Variants in DCAF17 observed in about 807,000 individuals in gnomAD.
The protein encoded by DCAF17 is DDB1 and CUL4 associated factor 17.
A neutral mutation model predicts 66.0 loss-of-function variants in DCAF17; 48 were observed. The observed-to-expected ratio is 0.73, with a 90% confidence interval of 0.58 to 0.92. The LOEUF (loss-of-function observed/expected upper bound fraction) is 0.92, where lower values mean the gene tolerates loss of function less well. Among genes scored for constraint, DCAF17 ranks in the 40% least tolerant of loss-of-function variants. The pLI is 0.00. For synonymous variants in DCAF17, 206 were observed against 214.6 expected (o/e 0.96, Z 0.35); for missense variants, 562 against 622.8 (o/e 0.90, Z 1.04).
At chr2:171,457,210 C>G (rs1176585514) in intron 6 of DCAF17, among the ~76,000 whole-genome samples, 1 of 152,248 alleles carries the variant, frequency 6.6e-6, no homozygotes, top group Non-Finnish European at 1.5e-5. Flanking sequence ...ATTGTTCTCT[C>G]TGTGCCTGTA....
chr2:171,434,935 T>C, intron 1 of DCAF17, 148 bp from the exon 2 acceptor site: 2 of 1,013,482 alleles, frequency 2.0e-6, no homozygotes, highest in Non-Finnish European at 2.9e-6. Flanking sequence ...GTTGGTCACC[T>C]CATTAAGCCA....
chr2:171,475,969 A>G lies in DCAF17; in HGVS notation c.1092-891A>G, dbSNP rs1365299197. Among the ~76,000 whole-genome samples the G allele has an allele frequency of 2.6e-5, 4 of 152,232 alleles. No homozygotes were observed. In the East Asian group the frequency reaches 7.7e-4, roughly 29 times the overall value. On this transcript the variant is annotated intron_variant, in intron 10 of 13. Transcript: ENST00000375255. The stretch of plus-strand genomic sequence containing the variant: ...TACCACCCATATTAGTTTGAACTTA[A>G]GAAAACAAGGCCCACGAAGAGTGTA...
chr2:171,474,966 A>G (rs1379575836), intron 10 of DCAF17, among the ~76,000 whole-genome samples: 1 of 152,216 alleles, frequency 6.6e-6, no homozygotes, highest in Non-Finnish European at 1.5e-5. Context: ...CATGATTTTT[A>G]AGAACATGAA....
Position 171,482,682 on chromosome 2 carries a change from G to A in DCAF17, c.*1568G>A, listed in dbSNP as rs755028977. 118 of 452,810 alleles carry A rather than the reference G, an allele frequency of 2.6e-4. 1 individual carries two copies. The highest frequency in any genetic ancestry group is 1.7e-3 in the South Asian group (107 of 64,376). 28.0% of individuals were successfully genotyped at this position (452,810 alleles called of 1,614,324 possible). On this transcript the variant is annotated 3_prime_UTR_variant, in exon 14 of 14. Coordinates refer to ENST00000375255, the MANE Select transcript of DCAF17 (RefSeq NM_025000.4). ...TCATGTCAGAGATTTTTTTTTTTAGGTGATTATTGAGTTTCTCCTTCTCCT... is the reference window on the plus strand; with the variant it reads ...TCATGTCAGAGATTTTTTTTTTTAGATGATTATTGAGTTTCTCCTTCTCCT...
rs1363070112 is a variant in DCAF17, at chr2:171,484,706, A to G, written c.*3592A>G. The stretch of plus-strand genomic sequence containing the variant: ...CCTTTCCAAAATTTAGACCATTGCA[A>G]TCATCTTCAGAAAGTTTCCTAAATC... On this transcript the variant is annotated 3_prime_UTR_variant, in exon 14 of 14. Coordinates refer to ENST00000375255, the MANE Select transcript of DCAF17 (RefSeq NM_025000.4). 1 of 454,038 alleles carries G rather than the reference A, an allele frequency of 2.2e-6. No individual in the cohort carries two copies. The highest frequency in any genetic ancestry group is 1.6e-5 in the South Asian group (1 of 64,464). 28.1% of individuals were successfully genotyped at this position (454,038 alleles called of 1,614,324 possible).
intron 4 of DCAF17, among the ~76,000 whole-genome samples, chr2:171,449,206 C>G (rs969677175): frequency 1.3e-5 from 2 of 152,144 alleles, no homozygotes; most frequent in African/African-American, 4.8e-5. Context: ...TGAGGTTTCC[C>G]TATGTTGGCC....
Position 171,449,905 on chromosome 2 carries a change from A to G in DCAF17, c.485A>G (p.Glu162Gly). The change falls in exon 5 of 14, where the codon GAA becomes GGA. Residue 162 changes from glutamate to glycine, a missense_variant. By Grantham distance (98) the Glu-to-Gly change is moderately conservative. Coordinates refer to ENST00000375255, the MANE Select transcript of DCAF17 (RefSeq NM_025000.4). ...FRYLSWDTPQ[E>G]VIAVKSAQNR... ...TACTTGAGCTGGGACACTCCTCAAG[A>G]AGTCATTGCAGTTAAGTCAGCTCAG... 1 of 1,613,842 alleles carries G rather than the reference A, an allele frequency of 6.2e-7. No individual in the cohort carries two copies. Among genetic ancestry groups the G allele is most frequent in the Non-Finnish European group, 8.5e-7 (1 of 1,179,800 alleles).
intron 5 of DCAF17, among the ~76,000 whole-genome samples, chr2:171,450,637 C>T (rs1190692781): frequency 6.6e-6 from 1 of 152,092 alleles, no homozygotes; most frequent in Non-Finnish European, 1.5e-5. Flanking sequence ...TTTCTTTATA[C>T]ACCGGGACAC....
chr2:171,458,232 A>G (rs1695372595), intron 7 of DCAF17, 140 bp from the exon 8 acceptor site: 1 of 1,005,830 alleles, frequency 9.9e-7, no homozygotes, highest in African/African-American at 1.6e-5. Context: ...CCTTTAAAGC[A>G]GGGGTGGGGA....
intron 7 of DCAF17, 84 bp from the exon 8 acceptor site, chr2:171,458,288 T>C (rs1287747579): frequency 8.2e-7 from 1 of 1,218,618 alleles, no homozygotes; most frequent in Non-Finnish European, 1.2e-6. Flanking sequence ...CTTTGTCATA[T>C]ACATGTGAAT....
In DCAF17 at chr2:171,479,891, A is replaced by C. The variant is rs997839561; in HGVS notation, c.1267-147A>C. On this transcript the variant is annotated intron_variant, in intron 12 of 13. Coordinates refer to ENST00000375255, the MANE Select transcript of DCAF17 (RefSeq NM_025000.4). ...TTTTACTAGGCATATAAACAGATAC[A>C]TTTCTACCTATTATTCTTCCCATTC... 4 of 867,284 alleles carry C rather than the reference A, an allele frequency of 4.6e-6. No individual in the cohort carries two copies. The African/African-American group carries it at 6.8e-5, about 15-fold the overall frequency. The allele number at this position is 867,284 out of a possible 1,614,324, so 53.7% of individuals were successfully genotyped here.
At chr2:171,454,335 A>G (rs1436118423) in intron 6 of DCAF17, among the ~76,000 whole-genome samples, 1 of 150,426 alleles carries the variant, frequency 6.6e-6, no homozygotes, top group Non-Finnish European at 1.5e-5. Context: ...CCCAGGCTGC[A>G]GTGCAGTGGC....
chr2:171,480,109 T>C lies in DCAF17; in HGVS notation c.1338T>C (p.Ala446=). 6.2e-7 allele frequency: 1 copy of C among 1,613,868 alleles called. No homozygotes were observed. Among genetic ancestry groups the C allele is most frequent in the Non-Finnish European group, 8.5e-7 (1 of 1,179,820 alleles). ...TGGTAGCTGTTACTCAAATAGATGC[T>C]GAAGGAAAAGCTCACCTGGATTTCC... is the stretch of plus-strand genomic sequence containing the variant. The part of the protein sequence containing the change: ...LSVVAVTQID[A]EGKAHLDFHC... The change falls in exon 13 of 14, where the codon GCT becomes GCC. Residue 446 remains alanine (A), a synonymous_variant. Coordinates refer to ENST00000375255, the MANE Select transcript of DCAF17 (RefSeq NM_025000.4).
Position 171,434,444 on chromosome 2 carries a change from C to G in DCAF17, c.-134C>G. On this transcript the variant is annotated 5_prime_UTR_variant, in exon 1 of 14. Coordinates refer to ENST00000375255, the MANE Select transcript of DCAF17 (RefSeq NM_025000.4). ...GTCGGGTGCTCCCTGCCCGCCTCCCCGTGTCAGCTTTCCCTGGGCCCCGCC... is the reference window on the plus strand; with the variant it reads ...GTCGGGTGCTCCCTGCCCGCCTCCCGGTGTCAGCTTTCCCTGGGCCCCGCC... 1 of 1,459,184 alleles carries G rather than the reference C, an allele frequency of 6.9e-7. No individual in the cohort carries two copies. Among genetic ancestry groups the G allele is most frequent in the Non-Finnish European group, 9.2e-7 (1 of 1,082,704 alleles). 90.4% of individuals were successfully genotyped at this position (1,459,184 alleles called of 1,614,324 possible).
At chr2:171,439,930 GAAAACCCCAA>G (rs1468924083) in intron 2 of DCAF17, among the ~76,000 whole-genome samples, 2 of 151,460 alleles carry the variant, frequency 1.3e-5, no homozygotes, top group Non-Finnish European at 2.9e-5. Context: ...ACTCAAAAAA[GAAAACCCCAA>G]AAAACCCCAA....
chr2:171,464,792 A>G (rs773586902), intron 8 of DCAF17, among the ~76,000 whole-genome samples: 3 of 152,176 alleles, frequency 2.0e-5, no homozygotes, highest in African/African-American at 7.2e-5. Context: ...TTTTTTGATT[A>G]TATTTGTATT....
intron 2 of DCAF17, among the ~76,000 whole-genome samples, chr2:171,439,828 C>T (rs1170523364): frequency 6.6e-6 from 1 of 151,922 alleles, no homozygotes; most frequent in African/African-American, 2.4e-5. Context: ...CTCCAGAGGC[C>T]AAGGCAGAAG....
intron 3 of DCAF17, among the ~76,000 whole-genome samples, chr2:171,444,075 A>G (rs938404246): frequency 6.6e-6 from 1 of 152,142 alleles, no homozygotes; most frequent in Non-Finnish European, 1.5e-5. Flanking sequence ...ATATTTTTCA[A>G]AACACTGTTT....
intron 6 of DCAF17, among the ~76,000 whole-genome samples, chr2:171,453,419 G>A (rs1312268802): frequency 3.3e-5 from 5 of 151,876 alleles, no homozygotes; most frequent in Admixed American, 6.6e-5. Flanking sequence ...CTCTCAGGTG[G>A]ATCATATTGG....
Sources: gnomAD v4.1 joint callset for allele counts (sites outside exome capture counted in the v4.1 genomes callset) on GRCh38, gnomAD v4.1.1 for gene constraint, MANE v1.5 for transcripts, NCBI Gene and HGNC (gene_info 2026-07-23, HGNC 2026-07-21) for gene names.